Variants in ADAM28 observed in about 807,000 individuals in gnomAD.
ADAM28 encodes ADAM metallopeptidase domain 28, also known as disintegrin and metalloproteinase domain-containing protein 28.
In ADAM28, 105 loss-of-function variants were observed where a neutral mutation model predicts 101.2. The ratio of observed to expected loss-of-function variants is 1.04; its 90% confidence interval spans 0.89 to 1.22. The LOEUF (loss-of-function observed/expected upper bound fraction) is 1.22, where lower values mean the gene tolerates loss of function less well. Among genes scored for constraint, ADAM28 ranks in the 50% most tolerant of loss-of-function variants. The pLI, the probability that ADAM28 is intolerant of heterozygous loss-of-function variation, is 0.00. For synonymous variants in ADAM28, 322 were observed against 310.6 expected (o/e 1.04, Z -0.39); for missense variants, 1,028 against 945.4 (o/e 1.09, Z -1.15).
intron 19 of ADAM28, 96 bp downstream of exon 19, chr8:24,350,068 GTTTACTTCTAATA>G: frequency 9.3e-7 from 1 of 1,078,386 alleles, no homozygotes. Flanking sequence ...AATTGAATTG[GTTTACTTCTAATA>G]TTCAGAAATA....
chr8:24,301,320 C>G (rs1808729810), intron 2 of ADAM28, among the ~76,000 whole-genome samples: 2 of 152,168 alleles, frequency 1.3e-5, no homozygotes, highest in Admixed American at 6.5e-5. Flanking sequence ...TTCAAATGCT[C>G]TCTAAGACTT....
intron 2 of ADAM28, among the ~76,000 whole-genome samples, chr8:24,304,454 A>C (rs1207404128): frequency 6.6e-6 from 1 of 152,076 alleles, no homozygotes; most frequent in African/African-American, 2.4e-5. Flanking sequence ...AAATTTAGAC[A>C]AACATAAACC....
chr8:24,336,712 CTGGTTTCCAGGG>C (rs1443734026), intron 14 of ADAM28, among the ~76,000 whole-genome samples: 1 of 150,834 alleles, frequency 6.6e-6, no homozygotes. Flanking sequence ...AAGTACAATG[CTGGTTTCCAGGG>C]TGTGACAGGG....
chr8:24,318,834 T>C (rs977032438), intron 6 of ADAM28, among the ~76,000 whole-genome samples: 3 of 152,052 alleles, frequency 2.0e-5, no homozygotes, highest in Non-Finnish European at 2.9e-5. Flanking sequence ...ATAATAACCA[T>C]GGCAACAGCC....
chr8:24,315,078 TATAA>T (rs1489395485), intron 6 of ADAM28, among the ~76,000 whole-genome samples: 1 of 151,902 alleles, frequency 6.6e-6, no homozygotes, highest in Non-Finnish European at 1.5e-5. Context: ...GATCCTTACC[TATAA>T]ATAATTACTA....
At chr8:24,309,207 T>A (rs1436492333) in intron 2 of ADAM28, among the ~76,000 whole-genome samples, 1 of 152,194 alleles carries the variant, frequency 6.6e-6, no homozygotes, top group Non-Finnish European at 1.5e-5. Context: ...GAGGTAATAT[T>A]TCTTCCTTCT....
In ADAM28 at chr8:24,320,720, A is replaced by C. The variant is rs530762095; in HGVS notation, c.648+413A>C. On this transcript the variant is annotated intron_variant, in intron 7 of 22. Transcript: ENST00000265769. ...AGTGAATGGAATCCTCTGAAAAGGC[A>C]AATCTTTGGTAATAGTCACTGTTTA... 1.6e-4 allele frequency among the ~76,000 whole-genome samples: 25 copies of C among 152,134 alleles called. No individual in the cohort carries two copies. The South Asian group carries it at 4.8e-3, about 29-fold the overall frequency.
intron 18 of ADAM28, among the ~76,000 whole-genome samples, chr8:24,349,546 C>G (rs1815817037): frequency 6.6e-6 from 1 of 152,170 alleles, no homozygotes; most frequent in African/African-American, 2.4e-5. Context: ...TCTTTGCCAT[C>G]TTCCTTACTG....
intron 8 of ADAM28, among the ~76,000 whole-genome samples, chr8:24,321,662 C>G (rs919148221): frequency 1.3e-5 from 2 of 151,918 alleles, no homozygotes; most frequent in Non-Finnish European, 2.9e-5. Flanking sequence ...TAGCATATTT[C>G]ATAAAATCTC....
intron 6 of ADAM28, among the ~76,000 whole-genome samples, chr8:24,319,447 G>T (rs1388565657): frequency 2.0e-5 from 3 of 151,962 alleles, no homozygotes; most frequent in African/African-American, 4.8e-5. Context: ...TCAGTGTATT[G>T]TAAGTGCTAA....
intron 15 of ADAM28, among the ~76,000 whole-genome samples, chr8:24,339,952 G>T (rs1719260622): frequency 6.6e-6 from 1 of 152,088 alleles, no homozygotes; most frequent in African/African-American, 2.4e-5. Context: ...ATTCAGAGTA[G>T]AAATATTTAT....
At chr8:24,302,230 G>A (rs762069225) in intron 2 of ADAM28, among the ~76,000 whole-genome samples, 12 of 152,226 alleles carry the variant, frequency 7.9e-5, no homozygotes, top group East Asian at 1.9e-4. Context: ...TGTGGATAAC[G>A]GCTTCCAGCT....
chr8:24,305,451 C>CTT (rs10654023), intron 2 of ADAM28, among the ~76,000 whole-genome samples: 830 of 65,452 alleles, frequency 0.013, 66 homozygotes, highest in African/African-American at 0.042. Flanking sequence ...TAAGAGGTTT[C>CTT]TTTTTTTTTT....
In ADAM28 at chr8:24,357,216, A is replaced by G. The variant is rs1816742284; in HGVS notation, c.*2812A>G. On this transcript the variant is annotated 3_prime_UTR_variant, in exon 23 of 23. Coordinates refer to ENST00000265769, the MANE Select transcript of ADAM28 (RefSeq NM_014265.6). ...TGCAGCTAAATTTTGTCCAGATTAC[A>G]CACCCACAGAAACTGTATGATAATT... 6.6e-6 allele frequency: 1 copy of G among 152,162 alleles called. No individual in the cohort carries two copies. The highest frequency in any genetic ancestry group is 2.4e-5 in the African/African-American group (1 of 41,418). 9.4% of individuals were successfully genotyped at this position (152,162 alleles called of 1,614,324 possible).
In ADAM28 at chr8:24,339,514, C is replaced by T. The variant is rs1315653800; in HGVS notation, c.1616C>T (p.Ser539Leu). ...TGTTACAACAGGAATGAAGGTGGGTCAAAGTACGGGTACTGTCGCAGAGTG... is the reference window on the plus strand; with the variant it reads ...TGTTACAACAGGAATGAAGGTGGGTTAAAGTACGGGTACTGTCGCAGAGTG... Reference protein sequence around the residue: ...KSCYNRNEGGSKYGYCRRVDD... With the variant: ...KSCYNRNEGGLKYGYCRRVDD... The change falls in exon 15 of 23, where the codon TCA becomes TTA. Residue 539 changes from serine to leucine, a missense_variant. Transcript: ENST00000265769. The T allele has an allele frequency of 6.2e-7, 1 of 1,613,338 alleles. No homozygotes were observed. Among genetic ancestry groups the T allele is most frequent in the Admixed American group, 1.7e-5 (1 of 59,948 alleles).
In ADAM28 at chr8:24,320,301, T is replaced by G. The variant is rs1291154626; in HGVS notation, c.642T>G (p.Asn214Lys). ...KYIEYYLVLD[N>K]GEFKRYNENQ... ...TAGAATATTATTTGGTCCTGGATAA[T>G]GGTGAGGTAATTATATGAGATAAAT... is the stretch of plus-strand genomic sequence containing the variant. Residue 214 changes from asparagine (N) to lysine (K), a missense_variant, in exon 7 of 23, where the codon AAT becomes AAG. Physicochemically the swap from Asn to Lys is moderately conservative, Grantham distance 94 (BLOSUM62 0). Transcript: ENST00000265769. 6.3e-7 allele frequency: 1 copy of G among 1,596,404 alleles called. No homozygotes were observed. Among genetic ancestry groups the G allele is most frequent in the Non-Finnish European group, 8.6e-7 (1 of 1,166,870 alleles).
intron 6 of ADAM28, among the ~76,000 whole-genome samples, chr8:24,319,520 A>G (rs1433378474): frequency 6.6e-6 from 1 of 151,922 alleles, no homozygotes; most frequent in Non-Finnish European, 1.5e-5. Flanking sequence ...AATACCTAAA[A>G]ATCTATCTTC....
In ADAM28 at chr8:24,358,578, T is replaced by A. The variant is rs1816827008; in HGVS notation, c.*4174T>A. 1 of 152,198 alleles carries A rather than the reference T, an allele frequency of 6.6e-6. No homozygotes were observed. Among genetic ancestry groups the A allele is most frequent in the African/African-American group, 2.4e-5 (1 of 41,454 alleles). 9.4% of individuals were successfully genotyped at this position (152,198 alleles called of 1,614,324 possible). On this transcript the variant is annotated 3_prime_UTR_variant, in exon 23 of 23. Coordinates refer to ENST00000265769, the MANE Select transcript of ADAM28 (RefSeq NM_014265.6). Reference sequence around the variant, plus strand: ...CAAAATCTGTAGCCACGTTGGCACATCTGCCCTTGAATTCACTTTGTCTCT... The same window carrying A: ...CAAAATCTGTAGCCACGTTGGCACAACTGCCCTTGAATTCACTTTGTCTCT...
chr8:24,321,452 A>T, intron 8 of ADAM28, 163 bp downstream of exon 8: 2 of 680,944 alleles, frequency 2.9e-6, no homozygotes, highest in South Asian at 3.0e-5. Flanking sequence ...TACATAGGTG[A>T]ACATGAATAT....
Sources: gnomAD v4.1 joint callset for allele counts (sites outside exome capture counted in the v4.1 genomes callset) on GRCh38, gnomAD v4.1.1 for gene constraint, MANE v1.5 for transcripts, NCBI Gene and HGNC (gene_info 2026-07-23, HGNC 2026-07-21) for gene names.